Variants in AMOTL1 observed in about 807,000 individuals in gnomAD.
AMOTL1 encodes angiomotin-like protein 1.
Under a neutral mutation model 102.9 loss-of-function variants are expected in AMOTL1, and 45 were observed. That is an observed-to-expected ratio of 0.44 (90% CI 0.34 to 0.56). The LOEUF (loss-of-function observed/expected upper bound fraction) is 0.56, where lower values mean the gene tolerates loss of function less well. Ranked by LOEUF, AMOTL1 falls within the 20% of genes least tolerant of loss-of-function variation. The pLI is 0.01. For missense variants in AMOTL1, 1,114 were observed against 1,225.6 expected, an observed-to-expected ratio of 0.91 and a Z score of 1.36; for synonymous variants, 481 against 484.7, an observed-to-expected ratio of 0.99 and a Z score of 0.10.
chr11:94,739,215 T>A (rs1048002600), intron 2 of AMOTL1, among the ~76,000 whole-genome samples: 5 of 152,062 alleles, frequency 3.3e-5, no homozygotes, highest in Non-Finnish European at 5.9e-5. Flanking sequence ...GATATATAGA[T>A]TTTGCTAGCG....
intron 1 of AMOTL1, among the ~76,000 whole-genome samples, chr11:94,719,067 A>G (rs1950136285): frequency 6.6e-6 from 1 of 152,042 alleles, no homozygotes; most frequent in Admixed American, 6.6e-5. Flanking sequence ...ACTTAAAAAA[A>G]TGAATAGACA....
At chr11:94,717,589 A>C (rs1432925686) in intron 1 of AMOTL1, among the ~76,000 whole-genome samples, 1 of 151,964 alleles carries the variant, frequency 6.6e-6, no homozygotes, top group African/African-American at 2.4e-5. Context: ...ATATTAAGCA[A>C]TAAAAAGAAT....
At chr11:94,768,236 G>C (rs1416991954), upstream of AMOTL1, 2 of 1,162,514 alleles carry the variant, frequency 1.7e-6, no homozygotes, top group Admixed American at 9.7e-5. Context: ...GTCTGCAGAC[G>C]GGCTCTAGGG....
intron 3 of AMOTL1, 101 bp from the exon 4 acceptor site, chr11:94,821,429 T>C (rs1951863641): frequency 7.7e-7 from 1 of 1,293,060 alleles, no homozygotes; most frequent in Non-Finnish European, 1.1e-6. Context: ...ACTGATGGCC[T>C]CTGACCATGG....
intron 2 of AMOTL1, among the ~76,000 whole-genome samples, chr11:94,795,703 C>G (rs1002269380): frequency 5.9e-5 from 9 of 152,192 alleles, no homozygotes; most frequent in Non-Finnish European, 1.2e-4. Context: ...ACTCATCTCT[C>G]TCTTACTTCA....
chr11:94,850,821 A>C (rs1952521508), intron 7 of AMOTL1, among the ~76,000 whole-genome samples: 1 of 152,210 alleles, frequency 6.6e-6, no homozygotes, highest in South Asian at 2.1e-4. Flanking sequence ...CGTTCCAGGA[A>C]GTAGAAGCCC....
chr11:94,864,502 G>A (rs74685559), intron 9 of AMOTL1, among the ~76,000 whole-genome samples: 13 of 152,170 alleles, frequency 8.5e-5, no homozygotes, highest in South Asian at 6.2e-4. Context: ...GTTTTAGCAC[G>A]GCACCCTGTG....
intron 2 of AMOTL1, among the ~76,000 whole-genome samples, chr11:94,729,301 G>A (rs1950309660): frequency 6.6e-6 from 1 of 152,156 alleles, no homozygotes; most frequent in Admixed American, 6.5e-5. Context: ...GAGTAAGAAT[G>A]CCCACTTTGC....
chr11:94,828,877 C>T (rs1382926601), intron 4 of AMOTL1, among the ~76,000 whole-genome samples: 1 of 152,142 alleles, frequency 6.6e-6, no homozygotes, highest in African/African-American at 2.4e-5. Flanking sequence ...ACCCCATCAG[C>T]TTTGCCTTTG....
intron 3 of AMOTL1, among the ~76,000 whole-genome samples, chr11:94,761,880 G>A (rs114501891): frequency 0.011 from 1,665 of 152,302 alleles, 33 homozygotes; most frequent in African/African-American, 0.037. Context: ...TGCTGAACAG[G>A]TTGTGGAGGG....
At chr11:94,843,096 A>G (rs888489668) in intron 6 of AMOTL1, among the ~76,000 whole-genome samples, 1 of 152,178 alleles carries the variant, frequency 6.6e-6, no homozygotes, top group Non-Finnish European at 1.5e-5. Context: ...CCTTTCCCCA[A>G]ATAACAAGCC....
rs529916123 is a variant in AMOTL1, at chr11:94,863,316, G to T, written c.2136-1419G>T. Among the ~76,000 whole-genome samples the T allele has an allele frequency of 2.0e-5, 3 of 152,148 alleles. No individual in the cohort carries two copies. The East Asian group carries it at 5.8e-4, about 29-fold the overall frequency. On this transcript the variant is annotated intron_variant, in intron 9 of 12. Coordinates refer to ENST00000433060, the MANE Select transcript of AMOTL1 (RefSeq NM_130847.3). Reference sequence around the variant, plus strand: ...AAAAAGCTTTAAAGTTTTCAGGCGGGGCGCGGTGGCTCACGTCTGTAATCC... The same window carrying T: ...AAAAAGCTTTAAAGTTTTCAGGCGGTGCGCGGTGGCTCACGTCTGTAATCC...
At chr11:94,803,008 C>T (rs762535363) in intron 3 of AMOTL1, among the ~76,000 whole-genome samples, 14 of 152,244 alleles carry the variant, frequency 9.2e-5, no homozygotes, top group Middle Eastern at 3.4e-3. Flanking sequence ...TACGTACAAC[C>T]ACATAGACTC....
intron 3 of AMOTL1, among the ~76,000 whole-genome samples, chr11:94,759,183 C>T (rs1950762571): frequency 6.6e-6 from 1 of 151,830 alleles, no homozygotes; most frequent in African/African-American, 2.4e-5. Context: ...ATTTTTTTTT[C>T]ATACAATGAA....
At chr11:94,793,787 G>C (rs183546173) in intron 1 of AMOTL1, among the ~76,000 whole-genome samples, 1 of 152,318 alleles carries the variant, frequency 6.6e-6, no homozygotes, top group East Asian at 1.9e-4. Context: ...TCTTCATATA[G>C]TATCATCCGT....
In AMOTL1 at chr11:94,795,097, T is replaced by A; in HGVS notation, c.136T>A (p.Ser46Thr). Residue 46 changes from serine (S) to threonine (T), a missense_variant, in exon 2 of 13, where the codon TCT becomes ACT. By Grantham distance (58) the Ser-to-Thr change is moderately conservative (BLOSUM62 1). Transcript: ENST00000433060. ...TYFSPDFQLY[S>T]GRHETSALTV... Reference sequence around the variant, plus strand: ...CTTTTCCCCAGACTTTCAGCTCTATTCTGGGAGGCATGAAACATCTGCTTT... The same window carrying A: ...CTTTTCCCCAGACTTTCAGCTCTATACTGGGAGGCATGAAACATCTGCTTT... 26 of 1,613,888 alleles carry A rather than the reference T, an allele frequency of 1.6e-5. No individual in the cohort carries two copies. Among genetic ancestry groups the A allele is most frequent in the Non-Finnish European group, 2.1e-5 (25 of 1,179,862 alleles).
In AMOTL1 at chr11:94,854,301, G is replaced by C. The variant is rs982451308; in HGVS notation, c.1944+219G>C. Among the ~76,000 whole-genome samples, 4 of 152,206 alleles carry C rather than the reference G, an allele frequency of 2.6e-5. No individual in the cohort carries two copies. In the South Asian group the frequency reaches 6.2e-4, roughly 24 times the overall value. Reference sequence around the variant, plus strand: ...CCTCACAGAGAGAAAGTGGTCGCCAGCTTGGGGCTGGGGAGAGCGGAATGC... The same window carrying C: ...CCTCACAGAGAGAAAGTGGTCGCCACCTTGGGGCTGGGGAGAGCGGAATGC... On this transcript the variant is annotated intron_variant, in intron 8 of 12. Transcript: ENST00000433060.
Position 94,873,817 on chromosome 11 carries a change from A to C in AMOTL1, c.*3022A>C, listed in dbSNP as rs1384894813. ...CACACACACACACACACACACAGCT[A>C]TCACACATCTCAGAGCCTAAGAAAT... On this transcript the variant is annotated 3_prime_UTR_variant, in exon 13 of 13. Transcript: ENST00000433060. 2 of 151,900 alleles carry C rather than the reference A, an allele frequency of 1.3e-5. No homozygotes were observed. Among genetic ancestry groups the C allele is most frequent in the African/African-American group, 4.9e-5 (2 of 41,050 alleles). 9.4% of individuals were successfully genotyped at this position (151,900 alleles called of 1,614,324 possible).
chr11:94,863,317 G>A (rs1223047107), intron 9 of AMOTL1, among the ~76,000 whole-genome samples: 3 of 151,998 alleles, frequency 2.0e-5, no homozygotes, highest in African/African-American at 7.3e-5. Flanking sequence ...TTCAGGCGGG[G>A]CGCGGTGGCT....
Sources: allele counts gnomAD v4.1 joint callset (sites outside exome capture counted in the v4.1 genomes callset), GRCh38; gene constraint gnomAD v4.1.1; transcripts MANE v1.5; gene names NCBI Gene and HGNC (gene_info 2026-07-23, HGNC 2026-07-21).